CHEK2: variants seen among roughly 807,000 people sequenced by gnomAD.
CHEK2 encodes the protein checkpoint kinase 2, also known as serine/threonine-protein kinase Chk2.
In CHEK2, 71 loss-of-function variants were observed where a neutral mutation model predicts 69.1. The ratio of observed to expected loss-of-function variants is 1.03; its 90% confidence interval spans 0.85 to 1.25. The LOEUF is 1.25. Ranked by LOEUF, CHEK2 falls within the 50% of genes most tolerant of loss-of-function variation. The probability of loss-of-function intolerance (pLI) is 0.00; values close to 1 mark genes in which losing one functional copy is unlikely to be tolerated. For synonymous variants in CHEK2, 189 were observed against 226.9 expected (o/e 0.83, Z 1.50); for missense variants, 664 against 649.6 (o/e 1.02, Z -0.24).
intron 13 of CHEK2, among the ~76,000 whole-genome samples, chr22:28,693,385 G>C (rs941950254): frequency 2.0e-5 from 3 of 152,098 alleles, no homozygotes; most frequent in Non-Finnish European, 4.4e-5. Flanking sequence ...CAAGCAGTGG[G>C]ACCCTTTATA....
intron 13 of CHEK2, among the ~76,000 whole-genome samples, chr22:28,691,601 C>T (rs905416043): frequency 1.2e-4 from 18 of 152,340 alleles, no homozygotes; most frequent in East Asian, 1.9e-4. Context: ...GAGGCTGAGG[C>T]GGGAGGATCC....
At chr22:28,740,362 T>A (rs2054520637) in intron 1 of CHEK2, among the ~76,000 whole-genome samples, 1 of 152,204 alleles carries the variant, frequency 6.6e-6, no homozygotes, top group South Asian at 2.1e-4. Context: ...TAACACCCAG[T>A]ATCCGCCATC....
At chr22:28,725,524 G>A (rs1373476801) in intron 2 of CHEK2, among the ~76,000 whole-genome samples, 157 bp from the exon 3 acceptor site, 1 of 152,122 alleles carries the variant, frequency 6.6e-6, no homozygotes, top group Non-Finnish European at 1.5e-5. Flanking sequence ...AATTAGGAGA[G>A]AAAAAACAAC....
intron 4 of CHEK2, chr22:28,721,759 C>A: frequency 2.9e-6 from 1 of 346,728 alleles, no homozygotes; most frequent in South Asian, 2.4e-5. Context: ...GAGACACGTT[C>A]TTACTCTCTT....
chr22:28,700,146 T>C (rs377619271), intron 8 of CHEK2, among the ~76,000 whole-genome samples: 3 of 152,048 alleles, frequency 2.0e-5, no homozygotes, highest in African/African-American at 7.2e-5. Flanking sequence ...GGATTGGGCA[T>C]TGGAGGCACC....
intron 13 of CHEK2, among the ~76,000 whole-genome samples, chr22:28,693,372 G>A (rs546305130): frequency 9.8e-5 from 15 of 152,286 alleles, no homozygotes; most frequent in African/African-American, 3.6e-4. Context: ...TCACCTGAAT[G>A]AACAAGCAGT....
intron 5 of CHEK2, among the ~76,000 whole-genome samples, chr22:28,715,071 T>A (rs2053542268): frequency 6.6e-6 from 1 of 152,206 alleles, no homozygotes; most frequent in Non-Finnish European, 1.5e-5. Flanking sequence ...CAACACCCTG[T>A]CATTCATTCA....
rs786203490 is a variant in CHEK2, at chr22:28,694,046, G to A, written c.1447C>T (p.His483Tyr). The change falls in exon 13 of 15, where the codon CAC (histidine) becomes TAC (tyrosine). Residue 483 changes from histidine (H) to tyrosine (Y), a missense_variant. His to Tyr is a moderately conservative substitution (Grantham distance 83). Transcript: ENST00000404276. The stretch of plus-strand genomic sequence containing the variant: ...CCCACACCCACCTGAAGCCACGGGT[G>A]TCTTAAGGCTTCTTCTGTCGTAAAA... ...ARFTTEEALR[H>Y]PWLQDEDMKR... 6.3e-7 allele frequency: 1 copy of A among 1,595,144 alleles called. No individual in the cohort carries two copies.
intron 13 of CHEK2, among the ~76,000 whole-genome samples, chr22:28,693,446 C>T (rs1275402692): frequency 2.6e-5 from 4 of 152,078 alleles, no homozygotes; most frequent in African/African-American, 9.7e-5. Context: ...GGGAGGCTGT[C>T]CTCCTCCCCC....
rs148053495 is a variant in CHEK2 at position 28,699,894 on chromosome 22, G to A, written c.952C>T (p.Arg318Cys). The part of the protein sequence containing the change: ...ELFDKVVGNK[R>C]LKEATCKLYF... ...AGCTTGCAGGTAGCTTCTTTCAGGCGTTTATTCCCCACCACTTTGTCAAAC... is the reference window on the plus strand; with the variant it reads ...AGCTTGCAGGTAGCTTCTTTCAGGCATTTATTCCCCACCACTTTGTCAAAC... Residue 318 changes from arginine to cysteine, a missense_variant, in exon 9 of 15, where the codon CGC (arginine) becomes TGC (cysteine). Transcript: ENST00000404276. The A allele has an allele frequency of 1.5e-5, 24 of 1,613,918 alleles. No homozygotes were observed. The highest frequency in any genetic ancestry group is 3.3e-5 in the Admixed American group (2 of 59,976).
intron 7 of CHEK2, among the ~76,000 whole-genome samples, chr22:28,705,680 C>CT (rs1313069239): frequency 6.6e-6 from 1 of 152,090 alleles, no homozygotes; most frequent in Non-Finnish European, 1.5e-5. Context: ...AATCCCAGCA[C>CT]TTTAGGAGGC....
In CHEK2 at chr22:28,704,477, C is replaced by T. The variant is rs866379204; in HGVS notation, c.847-911G>A. Among the ~76,000 whole-genome samples, 4 of 151,852 alleles carry T rather than the reference C, an allele frequency of 2.6e-5. 1 individual carries two copies. The highest frequency in any genetic ancestry group is 4.2e-4 in the South Asian group (2 of 4,806). ...CCTCCTGAGTAGCTGGGACTACAGG[C>T]GTGCACCACCACACCCAGCTAATTT... On this transcript the variant is annotated intron_variant, in intron 7 of 14. Coordinates refer to ENST00000404276, the MANE Select transcript of CHEK2 (RefSeq NM_007194.4).
At position 28,725,978 on chromosome 22, in the gene CHEK2, A is replaced by G. The variant is rs767069762; in HGVS notation, c.320-611T>C. On this transcript the variant is annotated intron_variant, in intron 2 of 14. Transcript: ENST00000404276. Reference sequence around the variant, plus strand: ...CCAGCACTTTGGGAGGCTGAGACGAATGGATCACGAGGTCAGGAGTTCAAG... The same window carrying G: ...CCAGCACTTTGGGAGGCTGAGACGAGTGGATCACGAGGTCAGGAGTTCAAG... Among the ~76,000 whole-genome samples, 3 of 151,766 alleles carry G rather than the reference A, an allele frequency of 2.0e-5. No individual in the cohort carries two copies. In the South Asian group the frequency reaches 6.2e-4, roughly 32 times the overall value.
At chr22:28,713,646 G>C (rs746612404) in intron 5 of CHEK2, among the ~76,000 whole-genome samples, 4 of 151,244 alleles carry the variant, frequency 2.6e-5, no homozygotes, top group Non-Finnish European at 4.4e-5. Flanking sequence ...GTGAGCCACC[G>C]CACTCGGCCA....
chr22:28,725,683 G>A (rs1261542598), intron 2 of CHEK2, among the ~76,000 whole-genome samples: 1 of 151,510 alleles, frequency 6.6e-6, no homozygotes, highest in African/African-American at 2.4e-5. Context: ...CAACATAGGG[G>A]GCACCCATCT....
intron 5 of CHEK2, among the ~76,000 whole-genome samples, chr22:28,718,699 T>C (rs2053664409): frequency 6.7e-6 from 1 of 148,394 alleles, no homozygotes; most frequent in Non-Finnish European, 1.5e-5. Flanking sequence ...CTGGGCAACA[T>C]GGTAATACCC....
Position 28,741,820 on chromosome 22 carries a change from T to C in CHEK2, c.-58A>G, listed in dbSNP as rs2054566200. 1.3e-5 allele frequency: 7 copies of C among 539,708 alleles called. No homozygotes were observed. The highest frequency in any genetic ancestry group is 2.3e-5 in the Non-Finnish European group (7 of 299,926). The allele number at this position is 539,708 out of a possible 1,614,324, so 33.4% of individuals were successfully genotyped here. A position where few individuals can be genotyped will look rare whatever the true frequency, so the allele number is the denominator to read the frequency against. ...CTCTCCGCAGCCTCAGCCAGCAGAG[T>C]GGCGCTAAACCTGCAGATACAAACT... is the stretch of plus-strand genomic sequence containing the variant. On this transcript the variant is annotated 5_prime_UTR_variant, in exon 1 of 15. Coordinates refer to ENST00000404276, the MANE Select transcript of CHEK2 (RefSeq NM_007194.4).
chr22:28,734,327 C>A lies in CHEK2; in HGVS notation c.319+76G>T, dbSNP rs1315897066. ...AAAACCTGGACAACTCCAATCAGAA[C>A]CTTCCACCTGGTAATACAACTTTCT... On this transcript the variant is annotated intron_variant, in intron 2 of 14. Transcript: ENST00000404276. 2.8e-6 allele frequency: 4 copies of A among 1,442,142 alleles called. No individual in the cohort carries two copies. The African/African-American group carries it at 5.6e-5, about 20-fold the overall frequency. 89.3% of individuals were successfully genotyped at this position (1,442,142 alleles called of 1,614,324 possible).
At position 28,710,026 on chromosome 22, in the gene CHEK2, T is replaced by C. The variant is rs1601777507; in HGVS notation, c.826A>G (p.Ile276Val). ...PALNVETEIEILKKLNHPCII... is the reference protein window; with the variant it reads ...PALNVETEIEVLKKLNHPCII... ...CTTACATGATTTAGCTTTTTCAAAA[T>C]TTCTATTTCTGTTTCAACATTGAGA... Residue 276 changes from isoleucine to valine, a missense_variant, in exon 7 of 15, where the codon ATT becomes GTT. Physicochemically the swap from Ile to Val is conservative, Grantham distance 29 (BLOSUM62 3). Transcript: ENST00000404276. 1 of 1,552,950 alleles carries C rather than the reference T, an allele frequency of 6.4e-7. No individual in the cohort carries two copies. Among genetic ancestry groups the C allele is most frequent in the Non-Finnish European group, 8.9e-7 (1 of 1,126,560 alleles).
Sources: gnomAD v4.1 joint callset for allele counts (sites outside exome capture counted in the v4.1 genomes callset) on GRCh38, gnomAD v4.1.1 for gene constraint, MANE v1.5 for transcripts, NCBI Gene and HGNC (gene_info 2026-07-23, HGNC 2026-07-21) for gene names.